The following KLKB1 variants were observed in gnomAD, a reference collection of about 807,000 sequenced individuals.
The protein encoded by KLKB1 is plasma kallikrein.
A neutral mutation model predicts 73.6 loss-of-function variants in KLKB1; 58 were observed. That is an observed-to-expected ratio of 0.79 (90% CI 0.64 to 0.98). The LOEUF (loss-of-function observed/expected upper bound fraction) is 0.98, where lower values mean the gene tolerates loss of function less well. Ranked by LOEUF, KLKB1 falls within the 50% of genes least tolerant of loss-of-function variation. KLKB1 has a pLI of 0.00. For missense variants in KLKB1, 737 were observed against 763.8 expected, an observed-to-expected ratio of 0.96 and a Z score of 0.41; for synonymous variants, 280 against 258.1, an observed-to-expected ratio of 1.08 and a Z score of -0.81.
At chr4:186,247,223 G>A (rs561796203) in intron 6 of KLKB1, among the ~76,000 whole-genome samples, 15 of 152,266 alleles carry the variant, frequency 9.9e-5, no homozygotes, top group Admixed American at 2.6e-4. Context: ...CAAATATCAC[G>A]TGTGTCCATG....
At chr4:186,252,219 T>G (rs772637714) in intron 11 of KLKB1, 34 bp downstream of exon 11, 1 of 1,606,398 alleles carries the variant, frequency 6.2e-7, no homozygotes, top group South Asian at 1.1e-5. Context: ...CAGAGTCTTA[T>G]CTTGGCTTTT....
At chr4:186,253,939 G>A (rs770392146) in intron 11 of KLKB1, among the ~76,000 whole-genome samples, 9 of 152,058 alleles carry the variant, frequency 5.9e-5, no homozygotes, top group Admixed American at 1.3e-4. Flanking sequence ...GGGTTCAAGC[G>A]ATTCTCCTGC....
intron 6 of KLKB1, among the ~76,000 whole-genome samples, chr4:186,245,464 TAGAC>T (rs1158177285): frequency 1.3e-5 from 2 of 152,272 alleles, no homozygotes; most frequent in African/African-American, 2.4e-5. Flanking sequence ...CCAGGCCAGT[TAGAC>T]AGTCCGATTT....
Position 186,258,101 on chromosome 4 carries a change from T to C in KLKB1, c.1806T>C (p.Cys602=), listed in dbSNP as rs776852260. The C allele has an allele frequency of 1.2e-6, 2 of 1,614,178 alleles. No individual in the cohort carries two copies. Among genetic ancestry groups the C allele is most frequent in the East Asian group, 4.5e-5 (2 of 44,884 alleles). ...GCATCACCAGCTGGGGTGAAGGCTG[T>C]GCCCGCAGGGAGCAACCTGGTGTCT... The part of the protein sequence containing the change: ...LVGITSWGEG[C]ARREQPGVYT... Residue 602 remains cysteine (C), a synonymous_variant, in exon 15 of 15, where the codon TGT becomes TGC. Transcript: ENST00000264690.
upstream of KLKB1, among the ~76,000 whole-genome samples, chr4:186,222,384 A>T (rs1001613424): frequency 2.3e-4 from 35 of 152,032 alleles, no homozygotes; most frequent in Non-Finnish European, 3.5e-4. Context: ...ACTTTTTTGG[A>T]GCAATTTGCT....
rs1001365706 is a variant in KLKB1, at chr4:186,257,209, A to G, written c.1586-17A>G. 4.1e-6 allele frequency: 6 copies of G among 1,478,354 alleles called. No homozygotes were observed. In the East Asian group the frequency reaches 1.2e-4, roughly 29 times the overall value. 91.6% of individuals were successfully genotyped at this position (1,478,354 alleles called of 1,614,324 possible). On this transcript the variant is annotated splice_polypyrimidine_tract_variant and intron_variant, in intron 13 of 14. Transcript: ENST00000264690. ...ATTATTAACTTCCCTCTGAGGTTAT[A>G]TATTGGTTACTCACAGGTGAAATCC...
intron 2 of KLKB1, among the ~76,000 whole-genome samples, chr4:186,215,545 C>T (rs889426077): frequency 6.6e-6 from 1 of 151,770 alleles, no homozygotes; most frequent in Non-Finnish European, 1.5e-5. Context: ...TATGGAAATA[C>T]AGTAAATTAA....
intron 11 of KLKB1, among the ~76,000 whole-genome samples, chr4:186,253,872 G>A (rs560414037): frequency 2.6e-5 from 4 of 152,078 alleles, no homozygotes; most frequent in African/African-American, 7.2e-5. Flanking sequence ...GTCTCTCTCT[G>A]TTGCCCAGAG....
upstream of KLKB1, among the ~76,000 whole-genome samples, chr4:186,221,717 T>G (rs1737036616): frequency 6.6e-6 from 1 of 152,194 alleles, no homozygotes; most frequent in Non-Finnish European, 1.5e-5. Flanking sequence ...ACATATAACC[T>G]ATCCTGGAGA....
At chr4:186,241,119 A>C (rs954712721) in intron 6 of KLKB1, among the ~76,000 whole-genome samples, 1 of 152,068 alleles carries the variant, frequency 6.6e-6, no homozygotes, top group Non-Finnish European at 1.5e-5. Flanking sequence ...GTGGCTTTTC[A>C]CTGAGTACGT....
intron 6 of KLKB1, among the ~76,000 whole-genome samples, chr4:186,249,817 C>G (rs1409002899): frequency 6.6e-6 from 1 of 152,126 alleles, no homozygotes; most frequent in Non-Finnish European, 1.5e-5. Flanking sequence ...TGGATTGTCT[C>G]CTGTTCTAAT....
At chr4:186,243,876 G>A (rs1186812517) in intron 6 of KLKB1, among the ~76,000 whole-genome samples, 1 of 152,204 alleles carries the variant, frequency 6.6e-6, no homozygotes, top group Non-Finnish European at 1.5e-5. Flanking sequence ...CTGGTGAGTG[G>A]TGATTAGGCC....
At chr4:186,215,213 A>G (rs1302588547) in intron 2 of KLKB1, among the ~76,000 whole-genome samples, 1 of 151,614 alleles carries the variant, frequency 6.6e-6, no homozygotes, top group African/African-American at 2.4e-5. Flanking sequence ...GATTCCATAT[A>G]TAGTTTTAAA....
chr4:186,250,378 A>G lies in KLKB1; in HGVS notation c.734A>G (p.Asn245Ser), dbSNP rs1738602410. 6.2e-7 allele frequency: 1 copy of G among 1,614,036 alleles called. No individual in the cohort carries two copies. The highest frequency in any genetic ancestry group is 8.5e-7 in the Non-Finnish European group (1 of 1,180,010). ...PNCLFFTFYT[N>S]VWKIESQRNV... ...TGCCTCTTCTTTACATTCTATACAA[A>G]TGTATGGAAAATCGAGTCACAAAGG... is the stretch of plus-strand genomic sequence containing the variant. The change falls in exon 7 of 15, where the codon AAT becomes AGT. Residue 245 changes from asparagine (N) to serine (S), a missense_variant. Transcript: ENST00000264690.
upstream of KLKB1, among the ~76,000 whole-genome samples, chr4:186,223,039 G>T (rs1027784544): frequency 2.0e-5 from 3 of 152,090 alleles, no homozygotes; most frequent in Non-Finnish European, 4.4e-5. Context: ...AAAAGTGGTG[G>T]TTACCCGTGC....
intron 2 of KLKB1, among the ~76,000 whole-genome samples, chr4:186,216,199 A>G (rs1254942131): frequency 6.6e-6 from 1 of 152,176 alleles, no homozygotes; most frequent in Non-Finnish European, 1.5e-5. Flanking sequence ...CCTGTCCTCA[A>G]TCTCTTGTTT....
chr4:186,242,163 A>G (rs1470041333), intron 6 of KLKB1, among the ~76,000 whole-genome samples: 2 of 151,882 alleles, frequency 1.3e-5, no homozygotes, highest in African/African-American at 2.4e-5. Flanking sequence ...GGGGGTCACA[A>G]GGTGCTCAGT....
At chr4:186,240,728 C>T (rs931499212) in intron 6 of KLKB1, among the ~76,000 whole-genome samples, 10 of 152,146 alleles carry the variant, frequency 6.6e-5, no homozygotes, top group East Asian at 1.9e-4. Flanking sequence ...CTCCTCTTTG[C>T]GACAGCACAC....
rs757987623 is a variant in KLKB1, at chr4:186,257,381, A to G, written c.1725+16A>G. 3 of 1,573,148 alleles carry G rather than the reference A, an allele frequency of 1.9e-6. No homozygotes were observed. The highest frequency in any genetic ancestry group is 2.6e-6 in the Non-Finnish European group (3 of 1,158,562). Reference sequence around the variant, plus strand: ...TGCTTGTAAGGTAACTCATGAGATTATGAAAAACACAATAGGCTGCTTGAG... The same window carrying G: ...TGCTTGTAAGGTAACTCATGAGATTGTGAAAAACACAATAGGCTGCTTGAG... On this transcript the variant is annotated intron_variant, in intron 14 of 14. Coordinates refer to ENST00000264690, the MANE Select transcript of KLKB1 (RefSeq NM_000892.5).
Sources: allele counts gnomAD v4.1 joint callset (sites outside exome capture counted in the v4.1 genomes callset), GRCh38; gene constraint gnomAD v4.1.1; transcripts MANE v1.5; gene names NCBI Gene and HGNC (gene_info 2026-07-23, HGNC 2026-07-21).